THSD7B: variants seen among roughly 807,000 people sequenced by gnomAD.
THSD7B encodes thrombospondin type 1 domain containing 7B.
THSD7B carries 138 observed loss-of-function variants against 213.6 expected under a neutral mutation model. The observed-to-expected ratio is 0.65, with a 90% CI of 0.56 to 0.74. The LOEUF (loss-of-function observed/expected upper bound fraction) is 0.74, where lower values mean the gene tolerates loss of function less well. Ranked by LOEUF, THSD7B falls within the 30% of genes least tolerant of loss-of-function variation. The pLI is 0.00. For synonymous variants in THSD7B, 742 were observed against 687.0 expected (o/e 1.08, Z -1.25); for missense variants, 1,931 against 1,991.5 (o/e 0.97, Z 0.58).
At chr2:136,985,077 A>G (rs926509405) in intron 2 of THSD7B, among the ~76,000 whole-genome samples, 18 of 152,312 alleles carry the variant, frequency 1.2e-4, no homozygotes, top group African/African-American at 4.1e-4. Flanking sequence ...ATGTGGGAGC[A>G]AAATAAAGAC....
intron 2 of THSD7B, among the ~76,000 whole-genome samples, chr2:136,964,387 T>G (rs1489702886): frequency 6.6e-6 from 1 of 151,972 alleles, no homozygotes; most frequent in African/African-American, 2.4e-5. Flanking sequence ...ATTGCACCAC[T>G]GCACTCCAGC....
At chr2:136,847,651 A>G (rs1419298549) in intron 1 of THSD7B, among the ~76,000 whole-genome samples, 5 of 152,266 alleles carry the variant, frequency 3.3e-5, no homozygotes, top group Middle Eastern at 6.8e-3. Context: ...CTGATTCTCT[A>G]TAGGGACACA....
rs375275381 is a variant in THSD7B at position 136,808,392 on chromosome 2, C to T, written c.-36+42705C>T. 3.9e-5 allele frequency among the ~76,000 whole-genome samples: 6 copies of T among 152,184 alleles called. No homozygotes were observed. The East Asian group carries it at 5.8e-4, about 15-fold the overall frequency. ...CTGGTTTATATGCTTTCCTGTTGCA[C>T]TTATTAATAGCTTGTTTCTTTTCAT... On this transcript the variant is annotated intron_variant, in intron 1 of 27. Coordinates refer to ENST00000409968, the MANE Select transcript of THSD7B (RefSeq NM_001316349.2).
At chr2:137,655,770 C>G in intron 22 of THSD7B, 110 bp downstream of exon 22, 1 of 1,278,978 alleles carries the variant, frequency 7.8e-7, no homozygotes, top group Non-Finnish European at 1.0e-6. Context: ...TTTTAAATAA[C>G]TTTAATTCAT....
intron 1 of THSD7B, among the ~76,000 whole-genome samples, chr2:136,868,100 CCA>C (rs529874307): frequency 1.5e-4 from 22 of 147,336 alleles, no homozygotes; most frequent in East Asian, 2.0e-4. Flanking sequence ...ACACACCACA[CCA>C]CACACACACA....
At chr2:137,567,265 T>C (rs1449750202) in intron 16 of THSD7B, among the ~76,000 whole-genome samples, 2 of 151,752 alleles carry the variant, frequency 1.3e-5, no homozygotes, top group Admixed American at 1.3e-4. Context: ...GCCTCCCAAG[T>C]TGAAGTAATT....
chr2:136,935,944 TTATA>T (rs1394865435), intron 2 of THSD7B, among the ~76,000 whole-genome samples: 1 of 147,954 alleles, frequency 6.8e-6, no homozygotes, highest in East Asian at 1.9e-4. Flanking sequence ...AATTATATAA[TTATA>T]TATTCTAGAG....
At position 137,030,059 on chromosome 2, in the gene THSD7B, TC is replaced by T. The variant is rs1310747761; in HGVS notation, c.140-26360del. The stretch of plus-strand genomic sequence containing the variant: ...CTGCCCACAAGGATTTTCTGGTGCA[TC>T]AAATATATCAAGATAATCTATGTGT... On this transcript the variant is annotated intron_variant, in intron 2 of 27. Coordinates refer to ENST00000409968, the MANE Select transcript of THSD7B (RefSeq NM_001316349.2). Among the ~76,000 whole-genome samples, 4 of 151,884 alleles carry T rather than the reference TC, an allele frequency of 2.6e-5. No homozygotes were observed. The East Asian group carries it at 7.8e-4, about 30-fold the overall frequency.
intron 15 of THSD7B, among the ~76,000 whole-genome samples, chr2:137,517,386 A>G (rs966300115): frequency 3.9e-5 from 6 of 152,218 alleles, no homozygotes; most frequent in African/African-American, 1.4e-4. Context: ...AGAGGATGGG[A>G]AATAAATCTG....
chr2:137,523,859 A>G (rs1680230825), intron 15 of THSD7B, among the ~76,000 whole-genome samples: 1 of 152,172 alleles, frequency 6.6e-6, no homozygotes, highest in South Asian at 2.1e-4. Flanking sequence ...ATATGATTCT[A>G]AATGTGAAGC....
intron 17 of THSD7B, among the ~76,000 whole-genome samples, chr2:137,575,725 C>CACACACATATATATAT (rs59620213): frequency 1.8e-5 from 2 of 110,816 alleles, no homozygotes; most frequent in African/African-American, 6.2e-5. Flanking sequence ...CCATAACACA[C>CACACACATATATATAT]ATATATATAT....
intron 14 of THSD7B, among the ~76,000 whole-genome samples, chr2:137,424,989 G>A (rs942320174): frequency 1.6e-4 from 24 of 151,474 alleles, no homozygotes; most frequent in African/African-American, 5.6e-4. Flanking sequence ...GGAGAATGGC[G>A]TGAACCCGGG....
intron 15 of THSD7B, among the ~76,000 whole-genome samples, chr2:137,495,964 A>G (rs931250239): frequency 5.2e-4 from 79 of 152,312 alleles, no homozygotes; most frequent in African/African-American, 1.8e-3. Context: ...ATTAAAAAAT[A>G]AAAGTCAAAA....
intron 15 of THSD7B, among the ~76,000 whole-genome samples, chr2:137,557,815 T>C (rs1474287422): frequency 2.6e-5 from 4 of 152,076 alleles, no homozygotes; most frequent in African/African-American, 9.7e-5. Flanking sequence ...GATAGACCAC[T>C]AGCAAGACTA....
chr2:136,861,577 G>T (rs1683260022), intron 1 of THSD7B, among the ~76,000 whole-genome samples: 1 of 152,270 alleles, frequency 6.6e-6, no homozygotes, highest in East Asian at 1.9e-4. Flanking sequence ...CATGAATCTG[G>T]TTTGCTCCAC....
At chr2:137,001,802 T>C (rs1686004679) in intron 2 of THSD7B, among the ~76,000 whole-genome samples, 1 of 152,172 alleles carries the variant, frequency 6.6e-6, no homozygotes, top group Non-Finnish European at 1.5e-5. Context: ...CAGTCACTTT[T>C]CTCCTCTATT....
At chr2:137,588,337 C>T (rs565211187) in intron 17 of THSD7B, among the ~76,000 whole-genome samples, 11 of 152,262 alleles carry the variant, frequency 7.2e-5, no homozygotes, top group East Asian at 3.9e-4. Context: ...CTGCACCCAC[C>T]GTCCTGCACC....
At chr2:137,349,852 A>T (rs1684967753) in intron 12 of THSD7B, among the ~76,000 whole-genome samples, 1 of 151,830 alleles carries the variant, frequency 6.6e-6, no homozygotes, top group African/African-American at 2.4e-5. Flanking sequence ...AGAGGGAAAA[A>T]ATGTTGTTTA....
chr2:137,535,645 GGAACATGACAGT>G (rs1342116153), intron 15 of THSD7B, among the ~76,000 whole-genome samples: 2 of 151,636 alleles, frequency 1.3e-5, no homozygotes, highest in African/African-American at 2.4e-5. Context: ...GATACACCTA[GGAACATGACAGT>G]CAAAAACTCT....
Sources: gnomAD v4.1 joint callset for allele counts (sites outside exome capture counted in the v4.1 genomes callset) on GRCh38, gnomAD v4.1.1 for gene constraint, MANE v1.5 for transcripts, NCBI Gene and HGNC (gene_info 2026-07-23, HGNC 2026-07-21) for gene names.